VPS8: variants seen among roughly 807,000 people sequenced by gnomAD.
VPS8 encodes the protein VPS8 subunit of CORVET complex.
Under a neutral mutation model 216.4 loss-of-function variants are expected in VPS8, and 129 were observed. The observed-to-expected ratio is 0.60, with a 90% CI of 0.52 to 0.69. The LOEUF is 0.69. Ranked by LOEUF, VPS8 falls within the 30% of genes least tolerant of loss-of-function variation. VPS8 has a pLI of 0.00. For missense variants in VPS8, 1,531 were observed against 1,683.5 expected (o/e 0.91, Z 1.59); for synonymous variants, 571 against 565.4 (o/e 1.01, Z -0.14).
chr3:184,937,949 G>C (rs186123878), intron 35 of VPS8, among the ~76,000 whole-genome samples: 1 of 152,176 alleles, frequency 6.6e-6, no homozygotes, highest in Non-Finnish European at 1.5e-5. Context: ...TGTCTTCTGT[G>C]TACTGAGAAT....
intron 35 of VPS8, among the ~76,000 whole-genome samples, chr3:184,938,284 G>A (rs1310964414): frequency 2.6e-5 from 4 of 152,326 alleles, no homozygotes; most frequent in East Asian, 1.9e-4. Context: ...AAGACTCACC[G>A]ATTAATTCAA....
rs530544250 is a variant in VPS8, at chr3:185,014,820, G to T, written c.4003-9516G>T. ...AATATTCCATGTAGAGAAAAATGTAGCTAGAGCTTGGCTAGTATAGCCTGG... is the reference window on the plus strand; with the variant it reads ...AATATTCCATGTAGAGAAAAATGTATCTAGAGCTTGGCTAGTATAGCCTGG... On this transcript the variant is annotated intron_variant, in intron 45 of 47. Transcript: ENST00000625842. 2.8e-4 allele frequency among the ~76,000 whole-genome samples: 43 copies of T among 152,272 alleles called. No individual in the cohort carries two copies. The South Asian group carries it at 7.1e-3, about 25-fold the overall frequency.
At chr3:184,964,354 C>T (rs1316219992) in intron 37 of VPS8, 114 bp from the exon 38 acceptor site, 1 of 536,240 alleles carries the variant, frequency 1.9e-6, no homozygotes, top group Non-Finnish European at 3.0e-6. Flanking sequence ...AAATATCATA[C>T]TAATAAGGTA....
intron 37 of VPS8, among the ~76,000 whole-genome samples, chr3:184,961,982 G>A (rs1254090896): frequency 6.6e-6 from 1 of 152,132 alleles, no homozygotes; most frequent in Non-Finnish European, 1.5e-5. Context: ...GGCTGGTCTT[G>A]AACTGCTGAC....
rs77035106 is a variant in VPS8 at position 184,888,325 on chromosome 3, G to T, written c.1781+2169G>T. ...TTATATTACACATGGTCTGCTTTAT[G>T]AGGGCCTACGGGAGAAATTTCTTTC... On this transcript the variant is annotated intron_variant, in intron 22 of 47. Transcript: ENST00000625842. Among the ~76,000 whole-genome samples, 667 of 152,240 alleles carry T rather than the reference G, an allele frequency of 4.4e-3. 7 individuals are homozygous for T. Among genetic ancestry groups the T allele is most frequent in the African/African-American group, 0.015 (626 of 41,556 alleles).
intron 3 of VPS8, among the ~76,000 whole-genome samples, chr3:184,831,751 G>A (rs10513799): frequency 0.22 from 33,696 of 151,940 alleles, 4,668 homozygotes; most frequent in East Asian, 0.62. Context: ...TTTTTTCTCC[G>A]TAATGTGTTC....
At chr3:184,906,663 G>T (rs1289243062) in intron 25 of VPS8, among the ~76,000 whole-genome samples, 1 of 152,138 alleles carries the variant, frequency 6.6e-6, no homozygotes, top group African/African-American at 2.4e-5. Context: ...GGTCGTAAAT[G>T]ATTATTAGGG....
chr3:184,997,433 A>G (rs1252249902), intron 44 of VPS8, among the ~76,000 whole-genome samples: 1 of 152,260 alleles, frequency 6.6e-6, no homozygotes, highest in Non-Finnish European at 1.5e-5. Flanking sequence ...TGGCATGAGT[A>G]AGCACTATCT....
chr3:184,866,878 TTTGG>T lies in VPS8; in HGVS notation c.1403_1406del (p.Val468GlufsTer26), dbSNP rs1405207412. On this transcript the variant is annotated frameshift_variant, in exon 17 of 48. Coordinates refer to ENST00000625842, the MANE Select transcript of VPS8 (RefSeq NM_001009921.3). LOFTEE classifies it high-confidence loss of function. ...TTGTATGTATGTTTTTCTTCCAGGC[TTTGG>T]TTGGAGAGAAGGCTTGTTATCAATC... The T allele has an allele frequency of 6.2e-7, 1 of 1,609,854 alleles. No individual in the cohort carries two copies. The highest frequency in any genetic ancestry group is 8.5e-7 in the Non-Finnish European group (1 of 1,178,828).
rs1177971344 is a variant in VPS8 at position 184,924,903 on chromosome 3, A to G, written c.2496A>G (p.Gly832=). 1.8e-5 allele frequency: 29 copies of G among 1,613,216 alleles called. No homozygotes were observed. Among genetic ancestry groups the G allele is most frequent in the Non-Finnish European group, 2.3e-5 (27 of 1,179,766 alleles). Residue 832 remains glycine, a synonymous_variant, in exon 30 of 48, where the codon GGA becomes GGG. Coordinates refer to ENST00000625842, the MANE Select transcript of VPS8 (RefSeq NM_001009921.3). Reference sequence around the variant, plus strand: ...CAGACTTTACCCCCTCACAAGTAGGATGTCTCTTTACCTTCCTTGCTCGGC... The same window carrying G: ...CAGACTTTACCCCCTCACAAGTAGGGTGTCTCTTTACCTTCCTTGCTCGGC... ...ENSDFTPSQV[G]CLFTFLARQL... is the part of the protein sequence containing the mutation.
intron 23 of VPS8, among the ~76,000 whole-genome samples, chr3:184,895,486 C>A (rs991669684): frequency 6.8e-6 from 1 of 147,442 alleles, no homozygotes; most frequent in Non-Finnish European, 1.5e-5. Flanking sequence ...GAGGTTCTCA[C>A]AATAAGTTAT....
chr3:184,890,435 C>A (rs1218627112), intron 22 of VPS8, among the ~76,000 whole-genome samples: 1 of 151,880 alleles, frequency 6.6e-6, no homozygotes, highest in Non-Finnish European at 1.5e-5. Flanking sequence ...TATAGGCAGT[C>A]CTTTTATTTT....
chr3:184,904,286 G>A (rs571840122), intron 25 of VPS8, among the ~76,000 whole-genome samples: 10 of 152,256 alleles, frequency 6.6e-5, no homozygotes, highest in African/African-American at 1.7e-4. Context: ...AAGAATGGAC[G>A]TCTTTTTGTT....
At chr3:184,974,518 C>G (rs1253622495) in intron 40 of VPS8, among the ~76,000 whole-genome samples, 1 of 152,076 alleles carries the variant, frequency 6.6e-6, no homozygotes, top group Admixed American at 6.5e-5. Flanking sequence ...TCTCTTCACT[C>G]TTTGGATCAT....
At chr3:185,030,941 G>T (rs1439645874) in intron 46 of VPS8, among the ~76,000 whole-genome samples, 6 of 150,266 alleles carry the variant, frequency 4.0e-5, no homozygotes, top group South Asian at 4.2e-4. Flanking sequence ...TTTTTTTTTT[G>T]GTCATTGTTC....
chr3:184,877,002 C>T (rs1729389098), intron 21 of VPS8, among the ~76,000 whole-genome samples: 1 of 152,196 alleles, frequency 6.6e-6, no homozygotes, highest in Admixed American at 6.5e-5. Context: ...TAAGGCTCTG[C>T]ATGGTCTACG....
chr3:184,822,165 CA>C (rs1369832291), intron 1 of VPS8, among the ~76,000 whole-genome samples: 2 of 151,622 alleles, frequency 1.3e-5, no homozygotes, highest in African/African-American at 2.4e-5. Context: ...TTTGGGGGGT[CA>C]GGGGTGGGGA....
chr3:184,904,889 G>C (rs1044895366), intron 25 of VPS8, among the ~76,000 whole-genome samples: 6 of 152,186 alleles, frequency 3.9e-5, no homozygotes, highest in Non-Finnish European at 7.3e-5. Flanking sequence ...TTGTGCTGCT[G>C]TAACAGAATA....
intron 46 of VPS8, among the ~76,000 whole-genome samples, chr3:185,031,072 T>TG (rs1463053769): frequency 7.0e-6 from 1 of 142,852 alleles, no homozygotes; most frequent in Non-Finnish European, 1.5e-5. Flanking sequence ...CGTTTTTTTT[T>TG]TTTTTTTTTT....
Sources: allele counts gnomAD v4.1 joint callset (sites outside exome capture counted in the v4.1 genomes callset), GRCh38; gene constraint gnomAD v4.1.1; transcripts MANE v1.5; gene names NCBI Gene and HGNC (gene_info 2026-07-23, HGNC 2026-07-21).